The following CST8 variants were observed in gnomAD, a reference collection of about 807,000 sequenced individuals.
The protein encoded by CST8 is cystatin-8.
Under a neutral mutation model 11.8 loss-of-function variants are expected in CST8, and 20 were observed. That is an observed-to-expected ratio of 1.70 (90% CI 1.20 to 2.47). The LOEUF is 2.47. CST8 is among the 30% of genes most tolerant of loss of function. CST8 has a pLI of 0.00. For missense variants in CST8, 196 were observed against 167.2 expected (o/e 1.17, Z -0.95); for synonymous variants, 77 against 63.1 (o/e 1.22, Z -1.05).
At chr20:23,499,797 G>C (rs773624669), downstream of CST8, among the ~76,000 whole-genome samples, 2 of 152,212 alleles carry the variant, frequency 1.3e-5, no homozygotes, top group South Asian at 2.1e-4. Flanking sequence ...CAGGGCAGTG[G>C]GGACCTTGCT....
At chr20:23,497,496 C>T (rs1988078119), downstream of CST8, among the ~76,000 whole-genome samples, 1 of 152,182 alleles carries the variant, frequency 6.6e-6, no homozygotes, top group South Asian at 2.1e-4. Context: ...GTAGCCCTCC[C>T]CTGTGGGATC....
At chr20:23,503,395 C>T in the CST8 span, among the ~76,000 whole-genome samples, 1 of 152,258 alleles carries the variant, frequency 6.6e-6, no homozygotes, top group East Asian at 1.9e-4. Flanking sequence ...TGAAAATACA[C>T]TGAACAGCTG....
intron 3 of CST8, among the ~76,000 whole-genome samples, chr20:23,495,012 T>A (rs1306345746): frequency 3.3e-5 from 5 of 152,160 alleles, no homozygotes; most frequent in African/African-American, 1.2e-4. Context: ...TCCCTCTTTG[T>A]GTCTATGTGT....
rs150145986 is a variant in CST8 at position 23,491,799 on chromosome 20, C to A, written c.132C>A (p.Asn44Lys). Reference sequence around the variant, plus strand: ...AACCCGTCAATGCCTCAAATGCCAACGTGAAGCAGTGTCTGTGGTTTGCCA... The same window carrying A: ...AACCCGTCAATGCCTCAAATGCCAAAGTGAAGCAGTGTCTGTGGTTTGCCA... ...KLKPVNASNA[N>K]VKQCLWFAMQ... is the part of the protein sequence containing the mutation. Residue 44 changes from asparagine to lysine, a missense_variant, in exon 2 of 4, where the codon AAC (asparagine) becomes AAA (lysine). Coordinates refer to ENST00000246012, the MANE Select transcript of CST8 (RefSeq NM_005492.4). 7.4e-6 allele frequency: 12 copies of A among 1,613,996 alleles called. No homozygotes were observed. The highest frequency in any genetic ancestry group is 1.7e-5 in the Admixed American group (1 of 60,002).
downstream of CST8, among the ~76,000 whole-genome samples, chr20:23,500,689 G>A (rs868269892): frequency 6.6e-5 from 10 of 151,970 alleles, no homozygotes; most frequent in Middle Eastern, 3.4e-3. Flanking sequence ...CTGAGAGTGT[G>A]GGGGTGAAAA....
chr20:23,499,330 C>T (rs1449900937), downstream of CST8, among the ~76,000 whole-genome samples: 7 of 152,222 alleles, frequency 4.6e-5, no homozygotes, highest in Admixed American at 3.9e-4. Context: ...CCTCTAAACA[C>T]AGCCAAACTG....
intron 3 of CST8, among the ~76,000 whole-genome samples, chr20:23,494,350 A>G (rs1987978630): frequency 6.6e-6 from 1 of 152,204 alleles, no homozygotes; most frequent in African/African-American, 2.4e-5. Context: ...TAAGATTTCC[A>G]TGATACGTCT....
downstream of CST8, among the ~76,000 whole-genome samples, chr20:23,499,325 A>G (rs999138011): frequency 6.6e-6 from 1 of 152,170 alleles, no homozygotes; most frequent in African/African-American, 2.4e-5. Flanking sequence ...TTTTCCCTCT[A>G]AACACAGCCA....
At chr20:23,502,440 C>T in the CST8 span, among the ~76,000 whole-genome samples, 4 of 152,230 alleles carry the variant, frequency 2.6e-5, no homozygotes, top group African/African-American at 7.2e-5. Flanking sequence ...ACATGCAGCT[C>T]TCCAGAAAGA....
chr20:23,506,942 C>T, the CST8 span, among the ~76,000 whole-genome samples: 1 of 152,200 alleles, frequency 6.6e-6, no homozygotes, highest in Non-Finnish European at 1.5e-5. Flanking sequence ...GAGCTTTCAT[C>T]TATGGTCTAA....
downstream of CST8, among the ~76,000 whole-genome samples, chr20:23,496,468 G>A (rs1218190028): frequency 1.3e-5 from 2 of 152,146 alleles, no homozygotes; most frequent in African/African-American, 4.8e-5. Flanking sequence ...GAGATCACAT[G>A]CTTCACAAGG....
In CST8 at chr20:23,491,693, T is replaced by C. The variant is rs1451794777; in HGVS notation, c.26T>C (p.Leu9Pro). 1.2e-6 allele frequency: 2 copies of C among 1,613,894 alleles called. No homozygotes were observed. Among genetic ancestry groups the C allele is most frequent in the Admixed American group, 3.3e-5 (2 of 60,008 alleles). Residue 9 changes from leucine to proline, a missense_variant, in exon 2 of 4, where the codon CTG (leucine) becomes CCG (proline). Physicochemically the swap from Leu to Pro is moderately conservative, Grantham distance 98. Transcript: ENST00000246012. MPRCRWLSLILLTIPLALV... is the reference protein window; with the variant it reads MPRCRWLSPILLTIPLALV... Reference sequence around the variant, plus strand: ...ATGCCCAGGTGCCGGTGGCTCTCCCTGATCCTCCTCACCATTCCCCTGGCC... The same window carrying C: ...ATGCCCAGGTGCCGGTGGCTCTCCCCGATCCTCCTCACCATTCCCCTGGCC...
chr20:23,493,022 T>TAA lies in CST8; in HGVS notation c.297_298dup (p.Ser100LysfsTer15). On this transcript the variant is annotated frameshift_variant, in exon 3 of 4. Coordinates refer to ENST00000246012, the MANE Select transcript of CST8 (RefSeq NM_005492.4). LOFTEE classifies it low-confidence loss of function (END_TRUNC). ...GCCCGCAGCGATTGCAGAAAGCCTT[T>TAA]AAGCACTAATGAAATCTGCGCCATT... 1 of 1,613,588 alleles carries TAA rather than the reference T, an allele frequency of 6.2e-7. No homozygotes were observed. The highest frequency in any genetic ancestry group is 2.2e-5 in the East Asian group (1 of 44,868).
At chr20:23,495,789 TTTTGGCACTCTACTAA>T in intron 3 of CST8, 26 bp from the exon 4 acceptor site, 3 of 1,318,038 alleles carry the variant, frequency 2.3e-6, no homozygotes, top group Admixed American at 2.0e-5. Context: ...TTTTTTTTTT[TTTTGGCACTCTACTAA>T]TTTTTGTTGT....
At chr20:23,499,107 G>A (rs981904121), downstream of CST8, among the ~76,000 whole-genome samples, 1 of 152,222 alleles carries the variant, frequency 6.6e-6, no homozygotes, top group Non-Finnish European at 1.5e-5. Flanking sequence ...AGGATCAGCA[G>A]TGTGTGACCA....
downstream of CST8, among the ~76,000 whole-genome samples, chr20:23,499,357 A>T (rs1006828217): frequency 6.6e-6 from 1 of 152,228 alleles, no homozygotes; most frequent in African/African-American, 2.4e-5. Flanking sequence ...AATGCAAAAC[A>T]AGCTTCATTT....
downstream of CST8, among the ~76,000 whole-genome samples, chr20:23,497,497 CT>C (rs1002018846): frequency 6.6e-6 from 1 of 152,232 alleles, no homozygotes; most frequent in African/African-American, 2.4e-5. Context: ...TAGCCCTCCC[CT>C]GTGGGATCTC....
chr20:23,503,480 T>G, the CST8 span, among the ~76,000 whole-genome samples: 1 of 151,840 alleles, frequency 6.6e-6, no homozygotes, highest in African/African-American at 2.4e-5. Context: ...TTAGGTGGGG[T>G]AAAGAATTAT....
chr20:23,491,428 TAGAG>T, intron 1 of CST8, 86 bp downstream of exon 1: 1 of 559,198 alleles, frequency 1.8e-6, no homozygotes, highest in South Asian at 2.1e-5. Context: ...GGGAGGCTGG[TAGAG>T]AGACTCCTTA....
Sources: allele counts gnomAD v4.1 joint callset (sites outside exome capture counted in the v4.1 genomes callset), GRCh38; gene constraint gnomAD v4.1.1; transcripts MANE v1.5; gene names NCBI Gene and HGNC (gene_info 2026-07-23, HGNC 2026-07-21).